ZC3HC1: variants seen among roughly 807,000 people sequenced by gnomAD.
ZC3HC1 encodes the protein zinc finger C3HC-type containing 1.
In ZC3HC1, 38 loss-of-function variants were observed where a neutral mutation model predicts 61.9. The ratio of observed to expected loss-of-function variants is 0.61; its 90% CI spans 0.47 to 0.81. ZC3HC1 has a LOEUF of 0.81. ZC3HC1 is among the 30% of genes least tolerant of loss of function. ZC3HC1 has a pLI of 0.00. For missense variants in ZC3HC1, 554 were observed against 622.7 expected, an observed-to-expected ratio of 0.89 and a Z score of 1.17; for synonymous variants, 213 against 229.9, an observed-to-expected ratio of 0.93 and a Z score of 0.67.
intron 4 of ZC3HC1, among the ~76,000 whole-genome samples, chr7:130,034,020 G>C (rs1563080112): frequency 6.6e-6 from 1 of 152,068 alleles, no homozygotes; most frequent in African/African-American, 2.4e-5. Context: ...GCCTTACTGA[G>C]GTCTAATTGA....
At chr7:130,044,077 T>C (rs1468034043) in intron 2 of ZC3HC1, among the ~76,000 whole-genome samples, 1 of 152,180 alleles carries the variant, frequency 6.6e-6, no homozygotes, top group Admixed American at 6.6e-5. Flanking sequence ...AATGTGTGTG[T>C]CTGTGTGTGT....
At chr7:130,031,697 AG>A (rs1794202848) in intron 4 of ZC3HC1, among the ~76,000 whole-genome samples, 1 of 152,228 alleles carries the variant, frequency 6.6e-6, no homozygotes, top group Non-Finnish European at 1.5e-5. Flanking sequence ...GGACATGTGC[AG>A]GTATAGAGCT....
At chr7:130,020,875 T>C (rs1793612596) in intron 9 of ZC3HC1, among the ~76,000 whole-genome samples, 1 of 152,118 alleles carries the variant, frequency 6.6e-6, no homozygotes. Flanking sequence ...TTCACCTGCA[T>C]ATTTACTAAG....
At chr7:130,025,306 C>T (rs1021308094) in intron 6 of ZC3HC1, among the ~76,000 whole-genome samples, 1 of 150,490 alleles carries the variant, frequency 6.6e-6, no homozygotes, top group Admixed American at 6.6e-5. Context: ...TATTTACTGT[C>T]AGAACCAATC....
intron 4 of ZC3HC1, 91 bp from the exon 5 acceptor site, chr7:130,029,120 C>T: frequency 3.5e-6 from 5 of 1,413,698 alleles, no homozygotes; most frequent in Non-Finnish European, 4.7e-6. Context: ...CCTGTAATCC[C>T]AGCACTTTGG....
At chr7:130,047,689 G>A (rs1275753356) in intron 2 of ZC3HC1, among the ~76,000 whole-genome samples, 1 of 150,826 alleles carries the variant, frequency 6.6e-6, no homozygotes, top group East Asian at 1.9e-4. Flanking sequence ...GGGTAGGGGT[G>A]CAAACTTGGC....
At chr7:130,038,921 T>C (rs1369052804) in intron 4 of ZC3HC1, among the ~76,000 whole-genome samples, 1 of 149,156 alleles carries the variant, frequency 6.7e-6, no homozygotes, top group African/African-American at 2.5e-5. Context: ...CCAGGGCCCC[T>C]GTAAGGATTA....
intron 5 of ZC3HC1, 105 bp from the exon 6 acceptor site, chr7:130,026,417 T>C: frequency 8.3e-7 from 1 of 1,210,266 alleles, no homozygotes; most frequent in Non-Finnish European, 1.1e-6. Flanking sequence ...GGAAGGAAAT[T>C]ACAAACATGA....
At chr7:130,027,234 G>C (rs1325298255) in intron 5 of ZC3HC1, 1 of 152,060 alleles carries the variant, frequency 6.6e-6, no homozygotes, top group Non-Finnish European at 1.5e-5. Flanking sequence ...GCCTTGGCTA[G>C]GGACAGGGTT....
chr7:130,022,190 CAAAA>C (rs573844896), intron 9 of ZC3HC1, 125 bp downstream of exon 9: 4 of 1,243,834 alleles, frequency 3.2e-6, no homozygotes, highest in Non-Finnish European at 4.5e-6. Flanking sequence ...AACAAACAAA[CAAAA>C]AAACCCAAAT....
At chr7:130,021,519 T>A (rs1202874483) in intron 9 of ZC3HC1, among the ~76,000 whole-genome samples, 1 of 152,168 alleles carries the variant, frequency 6.6e-6, no homozygotes, top group African/African-American at 2.4e-5. Flanking sequence ...ACAGCAGTTA[T>A]GGCTGCAATG....
intron 9 of ZC3HC1, among the ~76,000 whole-genome samples, chr7:130,020,481 C>A (rs569679105): frequency 6.6e-6 from 1 of 151,776 alleles, no homozygotes; most frequent in African/African-American, 2.4e-5. Context: ...ACGCTGGTCT[C>A]GAACTCCTGA....
rs1795064846 is a variant in ZC3HC1, at chr7:130,051,262, C to T, written c.105G>A (p.Leu35=). Residue 35 remains leucine, a synonymous_variant, in exon 1 of 10, where the codon CTG becomes CTA. Transcript: ENST00000358303. ...PEGTPQKIRQ[L]IDEGIAPEEG... is the part of the protein sequence containing the mutation. ...CTTCCGGGGCAATCCCCTCATCTATCAGCTGCCGGATTTTCTGGGGGGTCC... is the reference window on the plus strand; with the variant it reads ...CTTCCGGGGCAATCCCCTCATCTATTAGCTGCCGGATTTTCTGGGGGGTCC... The T allele has an allele frequency of 6.2e-7, 1 of 1,612,096 alleles. No individual in the cohort carries two copies. Among genetic ancestry groups the T allele is most frequent in the African/African-American group, 1.3e-5 (1 of 74,830 alleles).
chr7:130,043,451 T>C (rs1324546545), intron 2 of ZC3HC1: 2 of 153,704 alleles, frequency 1.3e-5, no homozygotes, highest in East Asian at 3.8e-4. Context: ...AAAATTCAGA[T>C]ACAAATATTA....
Position 130,022,603 on chromosome 7 carries a change from A to C in ZC3HC1, c.1234-78T>G. The C allele has an allele frequency of 2.0e-6, 3 of 1,480,128 alleles. No individual in the cohort carries two copies. In the South Asian group the frequency reaches 3.5e-5, roughly 17 times the overall value. The allele number at this position is 1,480,128 out of a possible 1,614,324, so 91.7% of individuals were successfully genotyped here. ...AGGGAGGCACTGCTGTTAGTTATCAAGTCCAGAATCTCACAACTACCCATA... is the reference window on the plus strand; with the variant it reads ...AGGGAGGCACTGCTGTTAGTTATCACGTCCAGAATCTCACAACTACCCATA... On this transcript the variant is annotated intron_variant, in intron 8 of 9. Transcript: ENST00000358303.
chr7:130,045,880 G>C (rs1335182743), intron 2 of ZC3HC1, among the ~76,000 whole-genome samples: 1 of 115,066 alleles, frequency 8.7e-6, no homozygotes, highest in Non-Finnish European at 1.6e-5. Context: ...GGCAGAGTAA[G>C]ACTCCATCTC....
At chr7:130,029,093 G>A in intron 4 of ZC3HC1, 64 bp from the exon 5 acceptor site, 5 of 1,515,938 alleles carry the variant, frequency 3.3e-6, no homozygotes, top group Non-Finnish European at 4.4e-6. Flanking sequence ...AAACACGGCT[G>A]GGCATGGTGG....
chr7:130,031,617 T>G (rs187892460), intron 4 of ZC3HC1, among the ~76,000 whole-genome samples: 125 of 152,254 alleles, frequency 8.2e-4, no homozygotes, highest in African/African-American at 2.8e-3. Context: ...ACCAAAAACC[T>G]TAAAAGCTGG....
intron 1 of ZC3HC1, chr7:130,050,417 T>C: frequency 6.5e-7 from 1 of 1,533,372 alleles, no homozygotes; most frequent in Non-Finnish European, 8.7e-7. Context: ...ACATCAACGA[T>C]TATAGCTCAA....
Sources: gnomAD v4.1 joint callset for allele counts (sites outside exome capture counted in the v4.1 genomes callset) on GRCh38, gnomAD v4.1.1 for gene constraint, MANE v1.5 for transcripts, NCBI Gene and HGNC (gene_info 2026-07-23, HGNC 2026-07-21) for gene names.